CDCA2: variants seen among roughly 807,000 people sequenced by gnomAD.
CDCA2 encodes cell division cycle-associated protein 2.
A neutral mutation model predicts 67.0 loss-of-function variants in CDCA2; 44 were observed. That is an observed-to-expected ratio of 0.66 (90% CI 0.52 to 0.84). CDCA2 has a LOEUF of 0.84. CDCA2 is among the 40% of genes least tolerant of loss of function. CDCA2 has a pLI of 0.00. For synonymous variants in CDCA2, 447 were observed against 418.7 expected, an observed-to-expected ratio of 1.07 and a Z score of -0.82; for missense variants, 1,253 against 1,203.2, an observed-to-expected ratio of 1.04 and a Z score of -0.61.
chr8:25,481,969 A>T (rs935365648), intron 8 of CDCA2, among the ~76,000 whole-genome samples: 11 of 152,162 alleles, frequency 7.2e-5, no homozygotes. Context: ...TTAGAATTGG[A>T]TGTACAGGAG....
At chr8:25,468,692 G>C (rs747960237) in intron 6 of CDCA2, among the ~76,000 whole-genome samples, 12 of 152,244 alleles carry the variant, frequency 7.9e-5, no homozygotes, top group Middle Eastern at 3.4e-3. Flanking sequence ...GGTCTTCTAC[G>C]TATGAGGTAT....
chr8:25,485,205 A>AT (rs746549272), intron 10 of CDCA2, among the ~76,000 whole-genome samples: 4 of 97,414 alleles, frequency 4.1e-5, no homozygotes, highest in Non-Finnish European at 7.6e-5. Context: ...AATAATAATA[A>AT]TAATAAAGAA....
intron 13 of CDCA2, among the ~76,000 whole-genome samples, chr8:25,501,359 G>T (rs531183416): frequency 6.6e-6 from 1 of 152,270 alleles, no homozygotes; most frequent in East Asian, 1.9e-4. Flanking sequence ...TATATTCTGT[G>T]CTGTCACCCA....
rs1211111482 is a variant in CDCA2, at chr8:25,487,341, GTTTGTGTTTGGCACAACGTA to G, written c.1533+13_1533+32del. ...GACTTCTAACAGAAGAAATGTAAGT[GTTTGTGTTTGGCACAACGTA>G]TTTGTTTTTAAATCGTGCAATATAC... On this transcript the variant is annotated splice_region_variant and intron_variant, in intron 12 of 14. Transcript: ENST00000330560. 3.2e-6 allele frequency: 5 copies of G among 1,553,810 alleles called. No individual in the cohort carries two copies. The highest frequency in any genetic ancestry group is 4.4e-6 in the Non-Finnish European group (5 of 1,129,178).
At chr8:25,484,359 T>C (rs1372467209) in intron 10 of CDCA2, 149 bp downstream of exon 10, 1 of 1,136,292 alleles carries the variant, frequency 8.8e-7, no homozygotes, top group African/African-American at 1.6e-5. Flanking sequence ...ATGTAGGTTT[T>C]TATGAGTTTT....
chr8:25,503,893 A>G (rs57488514), intron 14 of CDCA2, among the ~76,000 whole-genome samples: 12,448 of 152,212 alleles, frequency 0.082, 555 homozygotes, highest in African/African-American at 0.11. Flanking sequence ...GGTGTAGTCC[A>G]TCGTTGAAAG....
At chr8:25,468,881 C>A (rs965002338) in intron 6 of CDCA2, among the ~76,000 whole-genome samples, 1 of 152,180 alleles carries the variant, frequency 6.6e-6, no homozygotes, top group Admixed American at 6.5e-5. Flanking sequence ...CTGCCCCTGA[C>A]TGCTTTCCTT....
intron 7 of CDCA2, among the ~76,000 whole-genome samples, chr8:25,476,592 G>T (rs7002726): frequency 3.6e-4 from 54 of 149,750 alleles, no homozygotes; most frequent in African/African-American, 1.3e-3. Flanking sequence ...TCACTCTGCC[G>T]CCCAGGCTGT....
At chr8:25,487,679 C>CT (rs1471811009) in intron 12 of CDCA2, among the ~76,000 whole-genome samples, 6 of 152,042 alleles carry the variant, frequency 3.9e-5, no homozygotes, top group Non-Finnish European at 5.9e-5. Context: ...GGAGGCGGAG[C>CT]TTGCCGGGAG....
chr8:25,487,322 T>A lies in CDCA2; in HGVS notation c.1521T>A (p.Ser507=). 1 of 1,595,120 alleles carries A rather than the reference T, an allele frequency of 6.3e-7. No individual in the cohort carries two copies. The highest frequency in any genetic ancestry group is 8.6e-7 in the Non-Finnish European group (1 of 1,164,172). Residue 507 remains serine (S), a synonymous_variant, in exon 12 of 15, where the codon TCT becomes TCA. Coordinates refer to ENST00000330560, the MANE Select transcript of CDCA2 (RefSeq NM_152562.4). ...SPKVGRITRT[S]NRRNQLVSVV... ...AAGTTGGTAGAATAACAAGGACTTC[T>A]AACAGAAGAAATGTAAGTGTTTGTG...
intron 13 of CDCA2, among the ~76,000 whole-genome samples, chr8:25,499,686 A>G (rs1804392959): frequency 6.6e-6 from 1 of 152,168 alleles, no homozygotes; most frequent in Non-Finnish European, 1.5e-5. Flanking sequence ...CAAAAGATAA[A>G]CATTTACTTC....
chr8:25,507,825 C>G lies in CDCA2; in HGVS notation c.*87C>G. ...GTCTAGTTCCCATTCTCTGTTCAACCTCAGTGTTTCAAAAGTTCCTAATAA... is the reference window on the plus strand; with the variant it reads ...GTCTAGTTCCCATTCTCTGTTCAACGTCAGTGTTTCAAAAGTTCCTAATAA... On this transcript the variant is annotated 3_prime_UTR_variant, in exon 15 of 15. Transcript: ENST00000330560. The G allele has an allele frequency of 7.3e-7, 1 of 1,375,322 alleles. No homozygotes were observed. The highest frequency in any genetic ancestry group is 9.6e-7 in the Non-Finnish European group (1 of 1,045,840). 85.2% of individuals were successfully genotyped at this position (1,375,322 alleles called of 1,614,324 possible). A position where few individuals can be genotyped will look rare whatever the true frequency, so the allele number is the denominator to read the frequency against.
At chr8:25,493,798 C>G (rs1162191526) in intron 13 of CDCA2, among the ~76,000 whole-genome samples, 1 of 152,176 alleles carries the variant, frequency 6.6e-6, no homozygotes, top group Admixed American at 6.5e-5. Flanking sequence ...CAGGCACACT[C>G]ATACATTTTC....
chr8:25,498,389 G>A (rs1804321383), intron 13 of CDCA2, among the ~76,000 whole-genome samples: 1 of 150,502 alleles, frequency 6.6e-6, no homozygotes, highest in South Asian at 2.1e-4. Context: ...TGTATTTTTA[G>A]TAGAGACGGG....
At chr8:25,468,118 CAAAAAAAA>C in intron 5 of CDCA2, 91 bp from the exon 6 acceptor site, 3 of 147,628 alleles carry the variant, frequency 2.0e-5, no homozygotes, top group South Asian at 2.8e-4. Context: ...AACTCCGTCT[CAAAAAAAA>C]AAAAAAAAAA....
chr8:25,491,772 A>G (rs1255240543), intron 13 of CDCA2, among the ~76,000 whole-genome samples: 1 of 151,888 alleles, frequency 6.6e-6, no homozygotes, highest in Non-Finnish European at 1.5e-5. Context: ...GCACGCCACC[A>G]CGCTTGGCTA....
chr8:25,494,437 C>T (rs1260845926), intron 13 of CDCA2, among the ~76,000 whole-genome samples: 1 of 152,140 alleles, frequency 6.6e-6, no homozygotes, highest in South Asian at 2.1e-4. Context: ...TCTAGAGATG[C>T]TTTAAAGCAT....
At chr8:25,460,154 C>A in intron 1 of CDCA2, 86 bp from the exon 2 acceptor site, 3 of 1,288,340 alleles carry the variant, frequency 2.3e-6, no homozygotes, top group Non-Finnish European at 3.4e-6. Context: ...GACTGTATTA[C>A]AATTCAGTCC....
At position 25,484,221 on chromosome 8, in the gene CDCA2, A is replaced by C. The variant is rs761757754; in HGVS notation, c.1365+11A>C. ...AAGGGGGAGAATCTTGTAAGTATGA[A>C]AAGCGTGGAACAAGCTTGCCATATG... On this transcript the variant is annotated intron_variant, in intron 10 of 14. Coordinates refer to ENST00000330560, the MANE Select transcript of CDCA2 (RefSeq NM_152562.4). 7 of 1,612,410 alleles carry C rather than the reference A, an allele frequency of 4.3e-6. No homozygotes were observed. In the Admixed American group the frequency reaches 1.2e-4, roughly 27 times the overall value.
Sources: gnomAD v4.1 joint callset for allele counts (sites outside exome capture counted in the v4.1 genomes callset) on GRCh38, gnomAD v4.1.1 for gene constraint, MANE v1.5 for transcripts, NCBI Gene and HGNC (gene_info 2026-07-23, HGNC 2026-07-21) for gene names.